The following RERE variants were observed in gnomAD, a reference collection of about 807,000 sequenced individuals.
RERE encodes arginine-glutamic acid dipeptide repeats protein.
A neutral mutation model predicts 146.1 loss-of-function variants in RERE; 40 were observed. That is an observed-to-expected ratio of 0.27 (90% CI 0.21 to 0.36). The LOEUF (loss-of-function observed/expected upper bound fraction) is 0.36, where lower values mean the gene tolerates loss of function less well. Ranked by LOEUF, RERE falls within the 10% of genes least tolerant of loss-of-function variation. The pLI is 1.00. For missense variants in RERE, 1,933 were observed against 2,138.7 expected (o/e 0.90, Z 1.90); for synonymous variants, 1,003 against 866.0 (o/e 1.16, Z -2.78).
At position 8,541,371 on chromosome 1, in the gene RERE, C is replaced by T. The variant is rs532811761; in HGVS notation, c.726-53G>A. The T allele has an allele frequency of 1.1e-4, 128 of 1,139,812 alleles. No homozygotes were observed. The African/African-American group carries it at 1.7e-3, about 15-fold the overall frequency. 70.6% of individuals were successfully genotyped at this position (1,139,812 alleles called of 1,614,324 possible). A position where few individuals can be genotyped will look rare whatever the true frequency, so the allele number is the denominator to read the frequency against. ...TAATACCCTCAACTGCTTTTGCTAA[C>T]CAAAACTGGAGGGGGAAGGGTGGAG... is the stretch of plus-strand genomic sequence containing the variant. On this transcript the variant is annotated intron_variant, in intron 6 of 22. Transcript: ENST00000400908.
intron 1 of RERE, among the ~76,000 whole-genome samples, chr1:8,743,343 AT>A (rs1640350519): frequency 6.6e-6 from 1 of 152,084 alleles, no homozygotes; most frequent in African/African-American, 2.4e-5. Flanking sequence ...CAGTAGTAGA[AT>A]TTGGGCTTAC....
intron 1 of RERE, among the ~76,000 whole-genome samples, chr1:8,711,941 AT>A (rs958037213): frequency 5.9e-5 from 9 of 152,336 alleles, no homozygotes; most frequent in African/African-American, 1.7e-4. Flanking sequence ...TTAAAATAAA[AT>A]TACACACGTG....
At chr1:8,759,055 T>C (rs769338401) in intron 1 of RERE, among the ~76,000 whole-genome samples, 6 of 152,124 alleles carry the variant, frequency 3.9e-5, no homozygotes, top group Non-Finnish European at 8.8e-5. Context: ...GCCGGAGGAT[T>C]GCTTAAGCCC....
At chr1:8,517,208 G>A (rs1315822000) in intron 7 of RERE, among the ~76,000 whole-genome samples, 1 of 152,120 alleles carries the variant, frequency 6.6e-6, no homozygotes, top group Admixed American at 6.5e-5. Context: ...TCAAATGAAG[G>A]GGGGGATATA....
chr1:8,366,082 A>G (rs1641793944), intron 12 of RERE, 108 bp from the exon 13 acceptor site: 2 of 1,172,378 alleles, frequency 1.7e-6, no homozygotes, highest in Admixed American at 4.5e-5. Context: ...TGTGCCAGAG[A>G]TGAGAATAAA....
chr1:8,403,433 C>CTTTTTTTT (rs70990565), intron 12 of RERE, among the ~76,000 whole-genome samples: 1 of 137,300 alleles, frequency 7.3e-6, no homozygotes. Context: ...TTCATATTTT[C>CTTTTTTTT]TTTTTTTTTT....
chr1:8,469,463 A>G (rs1644651006), intron 10 of RERE, among the ~76,000 whole-genome samples: 1 of 152,088 alleles, frequency 6.6e-6, no homozygotes, highest in Non-Finnish European at 1.5e-5. Context: ...CTAAAAAACT[A>G]TAAAAATTAG....
intron 12 of RERE, among the ~76,000 whole-genome samples, chr1:8,400,721 G>A (rs1227702651): frequency 6.6e-6 from 1 of 150,456 alleles, no homozygotes; most frequent in South Asian, 2.1e-4. Flanking sequence ...ATGATGCATA[G>A]GGGCTACATG....
chr1:8,750,925 T>C, intron 1 of RERE: 3 of 787,692 alleles, frequency 3.8e-6, no homozygotes, highest in Non-Finnish European at 4.4e-6. Flanking sequence ...ATAAGCAAAT[T>C]GCTTTGACAG....
At position 8,366,873 on chromosome 1, in the gene RERE, A is replaced by G. The variant is rs564723126; in HGVS notation, c.1285-899T>C. 1.6e-3 allele frequency among the ~76,000 whole-genome samples: 236 copies of G among 150,482 alleles called. 3 individuals are homozygous for G. In the South Asian group the frequency reaches 0.03, roughly 19 times the overall value. On this transcript the variant is annotated intron_variant, in intron 12 of 22. Coordinates refer to ENST00000400908, the MANE Select transcript of RERE (RefSeq NM_001042681.2). ...ACACACAAAAGACGATTTCTTAAAC[A>G]TCCCAAGATAAAGTCTCTTTACCTA...
intron 10 of RERE, among the ~76,000 whole-genome samples, chr1:8,475,744 C>T (rs1170961282): frequency 6.6e-6 from 1 of 151,186 alleles, no homozygotes; most frequent in African/African-American, 2.4e-5. Context: ...AATGTCAATA[C>T]ATTTTCATTT....
intron 1 of RERE, among the ~76,000 whole-genome samples, chr1:8,755,820 T>C (rs967791246): frequency 6.6e-6 from 1 of 152,110 alleles, no homozygotes; most frequent in Non-Finnish European, 1.5e-5. Context: ...AATCCAGCAC[T>C]TTGGGAGGCC....
At chr1:8,721,280 G>A (rs879927372) in intron 1 of RERE, among the ~76,000 whole-genome samples, 2 of 152,060 alleles carry the variant, frequency 1.3e-5, no homozygotes, top group African/African-American at 2.4e-5. Context: ...GAGTTGAACC[G>A]AAAGAGTTTT....
intron 2 of RERE, among the ~76,000 whole-genome samples, chr1:8,639,240 G>A (rs963215990): frequency 2.0e-5 from 3 of 152,176 alleles, no homozygotes; most frequent in South Asian, 2.1e-4. Context: ...AAATCCGTAC[G>A]TTCATGTATC....
chr1:8,576,373 T>C (rs370080155), intron 4 of RERE, among the ~76,000 whole-genome samples: 2 of 152,142 alleles, frequency 1.3e-5, no homozygotes, highest in Non-Finnish European at 2.9e-5. Flanking sequence ...ACAATCAGAG[T>C]TAAAACTCAG....
At chr1:8,470,719 T>C (rs949845296) in intron 10 of RERE, among the ~76,000 whole-genome samples, 1 of 151,034 alleles carries the variant, frequency 6.6e-6, no homozygotes, top group Non-Finnish European at 1.5e-5. Flanking sequence ...GGACTCTTTC[T>C]AAAGGGGCAC....
intron 1 of RERE, among the ~76,000 whole-genome samples, chr1:8,687,111 T>C (rs1407990664): frequency 6.6e-6 from 1 of 152,112 alleles, no homozygotes; most frequent in Non-Finnish European, 1.5e-5. Flanking sequence ...ATACGGGAGT[T>C]TGTATCTGTT....
At chr1:8,640,969 AAAC>A (rs1647168877) in intron 2 of RERE, among the ~76,000 whole-genome samples, 1 of 152,242 alleles carries the variant, frequency 6.6e-6, no homozygotes, top group African/African-American at 2.4e-5. Flanking sequence ...AAACTTTTTA[AAAC>A]AACAAATCAC....
chr1:8,642,327 C>G (rs1168833869), intron 2 of RERE, among the ~76,000 whole-genome samples: 1 of 152,172 alleles, frequency 6.6e-6, no homozygotes, highest in African/African-American at 2.4e-5. Context: ...CTCTACTCCA[C>G]GTTAACCCAC....
Sources: gnomAD v4.1 joint callset for allele counts (sites outside exome capture counted in the v4.1 genomes callset) on GRCh38, gnomAD v4.1.1 for gene constraint, MANE v1.5 for transcripts, NCBI Gene and HGNC (gene_info 2026-07-23, HGNC 2026-07-21) for gene names.